Variants in SETD3 observed in about 807,000 individuals in gnomAD.
The protein encoded by SETD3 is SET domain containing 3, actin N3(tau)-histidine methyltransferase.
Under a neutral mutation model 63.0 loss-of-function variants are expected in SETD3, and 19 were observed. That is an observed-to-expected ratio of 0.30 (90% CI 0.21 to 0.44). The LOEUF (loss-of-function observed/expected upper bound fraction) is 0.44. Among genes scored for constraint, SETD3 ranks in the 20% least tolerant of loss-of-function variants. The pLI is 1.00. For synonymous variants in SETD3, 286 were observed against 264.1 expected (o/e 1.08, Z -0.80); for missense variants, 587 against 728.5 (o/e 0.81, Z 2.24).
chr14:99,481,614 GGTA>G (rs1896324374), upstream of SETD3: 2 of 394,966 alleles, frequency 5.1e-6, no homozygotes, highest in Admixed American at 8.9e-5. Context: ...GCTAACCTCC[GGTA>G]CACATTGAAC....
At chr14:99,400,353 A>C (rs907289114) in intron 11 of SETD3, 94 bp from the exon 12 acceptor site, 4 of 1,357,656 alleles carry the variant, frequency 2.9e-6, no homozygotes, top group Non-Finnish European at 4.1e-6. Flanking sequence ...GTTTCCAACA[A>C]CGCCATTTTC....
chr14:99,400,331 T>C, intron 11 of SETD3, 72 bp from the exon 12 acceptor site: 2 of 1,462,564 alleles, frequency 1.4e-6, no homozygotes, highest in South Asian at 1.3e-5. Context: ...GCAATCTACC[T>C]TAGAAAATAT....
At chr14:99,406,699 CTCA>C in intron 8 of SETD3, 109 bp from the exon 9 acceptor site, 1 of 1,071,606 alleles carries the variant, frequency 9.3e-7, no homozygotes, top group Non-Finnish European at 1.4e-6. Flanking sequence ...TCCCAAGGTA[CTCA>C]AAAGGTGGCA....
intron 1 of SETD3, among the ~76,000 whole-genome samples, chr14:99,468,814 C>G (rs1895537634): frequency 6.6e-6 from 1 of 152,200 alleles, no homozygotes; most frequent in Non-Finnish European, 1.5e-5. Flanking sequence ...TTGCTGGGCC[C>G]CACTGTACTA....
At chr14:99,400,065 C>G in intron 12 of SETD3, 34 bp downstream of exon 12, 3 of 1,558,312 alleles carry the variant, frequency 1.9e-6, no homozygotes, top group Non-Finnish European at 2.6e-6. Flanking sequence ...AACAACACAA[C>G]AAGTTCAAAA....
At chr14:99,400,077 C>T (rs760773745) in intron 12 of SETD3, 22 bp downstream of exon 12, 1 of 1,582,082 alleles carries the variant, frequency 6.3e-7, no homozygotes, top group Non-Finnish European at 8.6e-7. Context: ...AGTTCAAAAC[C>T]TCATTTATTT....
upstream of SETD3, among the ~76,000 whole-genome samples, chr14:99,482,845 T>A (rs1402881609): frequency 7.7e-6 from 1 of 129,350 alleles, no homozygotes; most frequent in African/African-American, 2.7e-5. Context: ...GGACATTATA[T>A]TTGAAAGCAG....
chr14:99,425,970 C>T (rs1892859323), intron 6 of SETD3, among the ~76,000 whole-genome samples: 1 of 152,064 alleles, frequency 6.6e-6, no homozygotes, highest in Admixed American at 6.6e-5. Context: ...CTAAAAAAAA[C>T]AAGCTGTTGT....
chr14:99,474,335 A>T (rs889180824), intron 1 of SETD3, among the ~76,000 whole-genome samples: 8 of 152,062 alleles, frequency 5.3e-5, no homozygotes, highest in South Asian at 2.1e-4. Flanking sequence ...AAAAATAAAT[A>T]AATAAATTAA....
chr14:99,410,240 G>A, intron 8 of SETD3: 2 of 1,613,578 alleles, frequency 1.2e-6, no homozygotes, highest in Non-Finnish European at 1.7e-6. Flanking sequence ...GGAACCAGAG[G>A]TGAGTCAGAC....
intron 6 of SETD3, among the ~76,000 whole-genome samples, chr14:99,425,159 T>C (rs967963960): frequency 2.0e-5 from 3 of 152,166 alleles, no homozygotes; most frequent in Admixed American, 6.5e-5. Context: ...TAAATAATAA[T>C]GGTTAATTTA....
intron 7 of SETD3, 123 bp from the exon 8 acceptor site, chr14:99,413,188 C>T (rs2139643516): frequency 1.6e-6 from 1 of 624,288 alleles, no homozygotes; most frequent in East Asian, 2.8e-5. Flanking sequence ...TCCTAAGTAA[C>T]AAAGGTAATG....
At chr14:99,474,233 G>C (rs1895852513) in intron 1 of SETD3, among the ~76,000 whole-genome samples, 1 of 152,150 alleles carries the variant, frequency 6.6e-6, no homozygotes, top group Non-Finnish European at 1.5e-5. Flanking sequence ...GCTGATGTAG[G>C]AGAAATGTTT....
chr14:99,471,503 C>T (rs1895703816), intron 1 of SETD3, among the ~76,000 whole-genome samples: 1 of 152,220 alleles, frequency 6.6e-6, no homozygotes, highest in African/African-American at 2.4e-5. Context: ...GGCATAGTGG[C>T]ACATGCCTAT....
chr14:99,434,510 T>C (rs1472288567), intron 6 of SETD3, among the ~76,000 whole-genome samples: 1 of 152,148 alleles, frequency 6.6e-6, no homozygotes, highest in Non-Finnish European at 1.5e-5. Flanking sequence ...TCTAGGTTGC[T>C]AGAAATGTTC....
intron 11 of SETD3, among the ~76,000 whole-genome samples, chr14:99,402,600 C>G (rs576298721): frequency 6.6e-6 from 1 of 152,088 alleles, no homozygotes; most frequent in Admixed American, 6.5e-5. Context: ...ACTCTTCCCC[C>G]ACTCCCCACC....
chr14:99,483,767 G>A (rs1896414817), upstream of SETD3, among the ~76,000 whole-genome samples: 1 of 152,254 alleles, frequency 6.6e-6, no homozygotes, highest in African/African-American at 2.4e-5. Flanking sequence ...AACCCGAAAT[G>A]TTGATTAATG....
chr14:99,483,061 C>T (rs1040501613), upstream of SETD3, among the ~76,000 whole-genome samples: 3 of 152,106 alleles, frequency 2.0e-5, no homozygotes, highest in Non-Finnish European at 2.9e-5. Context: ...TTTGAAAAAT[C>T]CTAAAAGTAC....
chr14:99,451,052 T>C (rs1054036945), intron 6 of SETD3, among the ~76,000 whole-genome samples: 1 of 152,184 alleles, frequency 6.6e-6, no homozygotes, highest in South Asian at 2.1e-4. Context: ...ATGAAAAACA[T>C]CTGAGCTAAT....
Sources: gnomAD v4.1 joint callset for allele counts (sites outside exome capture counted in the v4.1 genomes callset) on GRCh38, gnomAD v4.1.1 for gene constraint, MANE v1.5 for transcripts, NCBI Gene and HGNC (gene_info 2026-07-23, HGNC 2026-07-21) for gene names.